The following CCDC9 variants were observed in gnomAD, a reference collection of about 807,000 sequenced individuals.
CCDC9 encodes coiled-coil domain containing 9, also known as coiled-coil domain-containing protein 9.
Under a neutral mutation model 65.6 loss-of-function variants are expected in CCDC9, and 52 were observed. That is an observed-to-expected ratio of 0.79 (90% CI 0.63 to 1.00). The LOEUF (loss-of-function observed/expected upper bound fraction) is 1.00, where lower values mean the gene tolerates loss of function less well. Ranked by LOEUF, CCDC9 falls within the 50% of genes least tolerant of loss-of-function variation. The pLI is 0.00. For missense variants in CCDC9, 834 were observed against 757.2 expected (o/e 1.10, Z -1.19); for synonymous variants, 332 against 280.3 (o/e 1.18, Z -1.84).
At chr19:47,256,954 TG>T (rs1298093360) in intron 1 of CCDC9, among the ~76,000 whole-genome samples, 1 of 136,922 alleles carries the variant, frequency 7.3e-6, no homozygotes, top group East Asian at 2.2e-4. Context: ...TTTGCCTTAC[TG>T]GAAGTGGGTC....
At chr19:47,273,175 T>A (rs1188818481), downstream of CCDC9, among the ~76,000 whole-genome samples, 9 of 152,092 alleles carry the variant, frequency 5.9e-5, no homozygotes, top group African/African-American at 1.9e-4. Flanking sequence ...TTGGGAGTGT[T>A]TGCTGCTGCG....
chr19:47,263,395 G>C (rs2059058506), intron 5 of CCDC9, among the ~76,000 whole-genome samples: 1 of 152,188 alleles, frequency 6.6e-6, no homozygotes, highest in African/African-American at 2.4e-5. Flanking sequence ...AACCCGGCAT[G>C]AACTTCCAAG....
At chr19:47,256,840 T>A in intron 1 of CCDC9, among the ~76,000 whole-genome samples, 1 of 150,648 alleles carries the variant, frequency 6.6e-6, no homozygotes, top group African/African-American at 2.5e-5. Context: ...GGGCGGGACC[T>A]AAAAGTTGTG....
chr19:47,271,083 G>T lies in CCDC9; in HGVS notation c.1087G>T (p.Asp363Tyr). ...CACCCCTCCCTCTGTTCCCTCTAGT[G>T]ACCATGATGACCGCTGGGAGACAAA... ...QAKAAPRAYS[D>Y]HDDRWETKEG... is the part of the protein sequence containing the mutation. Residue 363 changes from aspartate (D) to tyrosine (Y), a missense_variant and splice_region_variant, in exon 11 of 12, where the codon GAC becomes TAC. Transcript: ENST00000221922. The T allele has an allele frequency of 6.5e-7, 1 of 1,547,948 alleles. No individual in the cohort carries two copies. The highest frequency in any genetic ancestry group is 1.2e-5 in the South Asian group (1 of 83,456).
At chr19:47,262,493 A>G (rs187774302) in intron 5 of CCDC9, among the ~76,000 whole-genome samples, 4 of 152,104 alleles carry the variant, frequency 2.6e-5, no homozygotes, top group Non-Finnish European at 4.4e-5. Context: ...CTGCGATGAC[A>G]TGTGTGAGCT....
At chr19:47,258,273 G>C in intron 1 of CCDC9, 57 bp from the exon 2 acceptor site, 1 of 927,014 alleles carries the variant, frequency 1.1e-6, no homozygotes. Flanking sequence ...GTATGTTAGA[G>C]GGTGAAGTAG....
chr19:47,271,672 T>C lies in CCDC9; in HGVS notation c.1590T>C (p.Ser530=), dbSNP rs368790586. Reference sequence around the variant, plus strand: ...CGGGTGAGGCCTGGCCTTTTGAGAGTGTATGAAGCTGGCTGCCTGTGTGTG... The same window carrying C: ...CGGGTGAGGCCTGGCCTTTTGAGAGCGTATGAAGCTGGCTGCCTGTGTGTG... The part of the protein sequence containing the change: ...LSPGEAWPFE[S]V Residue 530 remains serine, a synonymous_variant, in exon 12 of 12, where the codon AGT becomes AGC. Transcript: ENST00000221922. 1.3e-6 allele frequency: 2 copies of C among 1,588,188 alleles called. No individual in the cohort carries two copies.
chr19:47,273,927 T>G, downstream of CCDC9: 2 of 974,366 alleles, frequency 2.1e-6, no homozygotes, highest in Non-Finnish European at 2.4e-6. Context: ...GGGGTCTTCC[T>G]CCACCCTTCT....
At chr19:47,272,239 G>A, downstream of CCDC9, 1 of 979,704 alleles carries the variant, frequency 1.0e-6, no homozygotes, top group Non-Finnish European at 1.3e-6. Context: ...GGGCTTGGGG[G>A]GAGTGGGGTG....
Position 47,258,507 on chromosome 19 carries a change from T to C in CCDC9, c.4-52T>C, listed in dbSNP as rs1038630934. On this transcript the variant is annotated intron_variant, in intron 2 of 11. Transcript: ENST00000221922. ...CTCTCAGACCCTGGGGGAAAGTCCC[T>C]GGTATGGATGGAGGTTTTTCCTTCC... 48 of 1,602,386 alleles carry C rather than the reference T, an allele frequency of 3.0e-5. No individual in the cohort carries two copies. The Admixed American group carries it at 7.8e-4, about 26-fold the overall frequency.
chr19:47,273,957 C>G (rs570691600), downstream of CCDC9: 1 of 984,226 alleles, frequency 1.0e-6, no homozygotes, highest in Admixed American at 6.1e-5. Flanking sequence ...TCCCTCCCCC[C>G]TCCCGCAGGC....
intron 3 of CCDC9, among the ~76,000 whole-genome samples, chr19:47,260,091 C>T (rs986059014): frequency 2.0e-5 from 3 of 152,152 alleles, no homozygotes; most frequent in African/African-American, 7.2e-5. Context: ...AGGCCAGACC[C>T]CACGGGTCCC....
chr19:47,266,381 G>A, intron 7 of CCDC9: 1 of 505,050 alleles, frequency 2.0e-6, no homozygotes, highest in Non-Finnish European at 3.4e-6. Flanking sequence ...GAGATGTGAG[G>A]TCCTACCAAG....
Position 47,271,815 on chromosome 19 carries a change from G to T in CCDC9, c.*137G>T. The T allele has an allele frequency of 7.0e-7, 1 of 1,435,782 alleles. No homozygotes were observed. The highest frequency in any genetic ancestry group is 1.5e-5 in the South Asian group (1 of 67,352). 88.9% of individuals were successfully genotyped at this position (1,435,782 alleles called of 1,614,324 possible). ...GGGGCTGGGCCCTGGGACCCAGTGT[G>T]CCCCACAGCCCTGTCAGCTGAGGGG... On this transcript the variant is annotated 3_prime_UTR_variant, in exon 12 of 12. Transcript: ENST00000221922.
downstream of CCDC9, chr19:47,273,642 C>T (rs566845263): frequency 2.0e-5 from 8 of 392,912 alleles, no homozygotes; most frequent in Admixed American, 4.5e-5. Flanking sequence ...CAACGGGGGA[C>T]GTCACGGCAC....
At chr19:47,270,287 C>A in intron 8 of CCDC9, 120 bp from the exon 9 acceptor site, 1 of 930,112 alleles carries the variant, frequency 1.1e-6, no homozygotes, top group Non-Finnish European at 1.7e-6. Context: ...CTTCTAGTGT[C>A]CCCTGTCTGG....
chr19:47,269,487 A>C (rs1330263967), intron 8 of CCDC9, among the ~76,000 whole-genome samples: 1 of 152,058 alleles, frequency 6.6e-6, no homozygotes, highest in Non-Finnish European at 1.5e-5. Flanking sequence ...AGTAGCTGAG[A>C]TTACAGGTGC....
intron 8 of CCDC9, among the ~76,000 whole-genome samples, chr19:47,268,127 G>A (rs2059094482): frequency 6.6e-6 from 1 of 152,116 alleles, no homozygotes; most frequent in Non-Finnish European, 1.5e-5. Context: ...GATTACAGGT[G>A]TGAGCCACCG....
chr19:47,260,797 C>G lies in CCDC9; in HGVS notation c.420C>G (p.Leu140=), dbSNP rs574118813. 3 of 1,613,480 alleles carry G rather than the reference C, an allele frequency of 1.9e-6. No homozygotes were observed. Among genetic ancestry groups the G allele is most frequent in the Non-Finnish European group, 2.5e-6 (3 of 1,179,712 alleles). Residue 140 remains leucine, a synonymous_variant, in exon 5 of 12, where the codon CTC becomes CTG. Coordinates refer to ENST00000221922, the MANE Select transcript of CCDC9 (RefSeq NM_015603.3). ...RRGRGRGSPH[L]SGAGDTSISD... ...GCCGGGGCCGAGGTTCACCTCACCT[C>G]TCTGGAGCTGGAGACACCTCAATCT...
Sources: gnomAD v4.1 joint callset for allele counts (sites outside exome capture counted in the v4.1 genomes callset) on GRCh38, gnomAD v4.1.1 for gene constraint, MANE v1.5 for transcripts, NCBI Gene and HGNC (gene_info 2026-07-23, HGNC 2026-07-21) for gene names.